PHACTR1: variants seen among roughly 807,000 people sequenced by gnomAD.
PHACTR1 encodes RPEL repeat containing 1.
A neutral mutation model predicts 69.2 loss-of-function variants in PHACTR1; 16 were observed. The observed-to-expected ratio is 0.23, with a 90% CI of 0.16 to 0.35. The LOEUF (loss-of-function observed/expected upper bound fraction) is 0.35, where lower values mean the gene tolerates loss of function less well. Among genes scored for constraint, PHACTR1 ranks in the 10% least tolerant of loss-of-function variants. The probability of loss-of-function intolerance (pLI) is 1.00; values close to 1 mark genes in which losing one functional copy is unlikely to be tolerated. For synonymous variants in PHACTR1, 312 were observed against 284.5 expected, an observed-to-expected ratio of 1.10 and a Z score of -0.97; for missense variants, 510 against 734.7, an observed-to-expected ratio of 0.69 and a Z score of 3.54.
At chr6:12,744,755 C>T (rs1164539766) in intron 3 of PHACTR1, among the ~76,000 whole-genome samples, 2 of 152,192 alleles carry the variant, frequency 1.3e-5, no homozygotes, top group Non-Finnish European at 2.9e-5. Context: ...GATATTGTAT[C>T]CAGTGACATT....
chr6:12,985,724 T>C (rs186431753), intron 4 of PHACTR1, among the ~76,000 whole-genome samples: 33 of 151,692 alleles, frequency 2.2e-4, no homozygotes, highest in African/African-American at 7.5e-4. Flanking sequence ...TTCACAGAAA[T>C]AGAAGTAACA....
In PHACTR1 at chr6:13,287,598, C is replaced by G. The variant is rs1781920543; in HGVS notation, c.*520C>G. 6.5e-6 allele frequency: 1 copy of G among 153,772 alleles called. No individual in the cohort carries two copies. 9.5% of individuals were successfully genotyped at this position (153,772 alleles called of 1,614,324 possible). A position where few individuals can be genotyped will look rare whatever the true frequency, so the allele number is the denominator to read the frequency against. ...TTTGGGGGCCCTTTGAAGTTGATGC[C>G]AAGAAGGAGTGAACACTTCTCAGTT... On this transcript the variant is annotated 3_prime_UTR_variant, in exon 15 of 15. Coordinates refer to ENST00000332995, the MANE Select transcript of PHACTR1 (RefSeq NM_030948.6).
At chr6:12,912,920 C>T (rs9381494) in intron 4 of PHACTR1, among the ~76,000 whole-genome samples, 77,739 of 152,060 alleles carry the variant, frequency 0.51, 23,304 homozygotes, top group East Asian at 0.91. Flanking sequence ...TGCCACTGCA[C>T]TCCAGCCTGG....
chr6:13,199,910 T>C (rs144619377), intron 7 of PHACTR1, among the ~76,000 whole-genome samples: 2 of 152,364 alleles, frequency 1.3e-5, no homozygotes, highest in African/African-American at 4.8e-5. Context: ...TATCCTTTAA[T>C]TGCACATTCT....
chr6:13,129,222 G>A, intron 5 of PHACTR1, among the ~76,000 whole-genome samples: 1 of 152,010 alleles, frequency 6.6e-6, no homozygotes, highest in South Asian at 2.1e-4. Context: ...AAATCTCATA[G>A]GGCCTATAAA....
At chr6:13,041,697 GA>G in intron 4 of PHACTR1, among the ~76,000 whole-genome samples, 1 of 152,150 alleles carries the variant, frequency 6.6e-6, no homozygotes, top group East Asian at 1.9e-4. Context: ...GTTCAAGAGA[GA>G]AAAAATGTCC....
intron 4 of PHACTR1, among the ~76,000 whole-genome samples, chr6:12,807,762 C>G (rs1416485805): frequency 6.6e-6 from 1 of 152,162 alleles, no homozygotes; most frequent in Non-Finnish European, 1.5e-5. Context: ...TTGTTGCTTC[C>G]TCTTCTCCCT....
intron 7 of PHACTR1, among the ~76,000 whole-genome samples, chr6:13,195,743 G>A (rs994456971): frequency 1.6e-5 from 1 of 64,166 alleles, no homozygotes; most frequent in African/African-American, 6.4e-5. Context: ...GGGCGACAGA[G>A]AGAGACACCG....
intron 4 of PHACTR1, among the ~76,000 whole-genome samples, chr6:13,050,564 C>T (rs974978364): frequency 4.6e-5 from 7 of 152,128 alleles, no homozygotes; most frequent in Admixed American, 1.3e-4. Context: ...TCTACATCTT[C>T]GATCTCTCAC....
chr6:13,224,587 CTA>C (rs758014705), intron 8 of PHACTR1, among the ~76,000 whole-genome samples: 1 of 152,094 alleles, frequency 6.6e-6, no homozygotes, highest in Non-Finnish European at 1.5e-5. Flanking sequence ...TAGGTAATAA[CTA>C]TGTTATAAAA....
intron 4 of PHACTR1, among the ~76,000 whole-genome samples, chr6:12,915,965 T>C (rs1295908521): frequency 6.6e-6 from 1 of 152,118 alleles, no homozygotes; most frequent in Admixed American, 6.6e-5. Context: ...ATGCCCTTGA[T>C]TGAAAACCTC....
intron 4 of PHACTR1, among the ~76,000 whole-genome samples, chr6:12,829,856 GCAGAGACAGGAGAAT>G (rs1360621797): frequency 6.6e-6 from 1 of 151,152 alleles, no homozygotes. Flanking sequence ...TGCTGGGGAG[GCAGAGACAGGAGAAT>G]CGCTTGAACC....
At chr6:12,852,185 T>C (rs1270755075) in intron 4 of PHACTR1, among the ~76,000 whole-genome samples, 1 of 152,180 alleles carries the variant, frequency 6.6e-6, no homozygotes, top group East Asian at 1.9e-4. Context: ...ATTGAGGCCC[T>C]AAGAGAAATA....
chr6:12,737,118 C>T (rs548319910), intron 3 of PHACTR1, among the ~76,000 whole-genome samples: 11 of 151,926 alleles, frequency 7.2e-5, no homozygotes, highest in Non-Finnish European at 1.2e-4. Context: ...ATTGTATGAA[C>T]ATCACAGTGT....
chr6:12,940,435 G>T (rs1277341717), intron 4 of PHACTR1, among the ~76,000 whole-genome samples: 1 of 152,260 alleles, frequency 6.6e-6, no homozygotes, highest in African/African-American at 2.4e-5. Flanking sequence ...TCAGCAACAG[G>T]GTAAGAGGCT....
chr6:13,143,862 C>T (rs1229597691), intron 5 of PHACTR1, among the ~76,000 whole-genome samples: 5 of 151,952 alleles, frequency 3.3e-5, no homozygotes, highest in Non-Finnish European at 5.9e-5. Context: ...TAATATGTCA[C>T]AGTTAAAGTT....
At chr6:12,756,203 G>A (rs565052447) in intron 4 of PHACTR1, among the ~76,000 whole-genome samples, 15 of 150,928 alleles carry the variant, frequency 9.9e-5, no homozygotes, top group Admixed American at 2.6e-4. Context: ...AAGACAATTT[G>A]TAGAGCTTTT....
chr6:13,170,421 G>A (rs940208154), intron 6 of PHACTR1, among the ~76,000 whole-genome samples: 9 of 152,194 alleles, frequency 5.9e-5, no homozygotes, highest in African/African-American at 1.7e-4. Context: ...GGCAGGGTAC[G>A]TGGGGCATAG....
intron 4 of PHACTR1, among the ~76,000 whole-genome samples, chr6:12,800,742 G>A (rs1027615941): frequency 2.0e-5 from 3 of 152,002 alleles, no homozygotes. Flanking sequence ...ATAAAATTTA[G>A]CACAGACTGG....
Sources: allele counts gnomAD v4.1 joint callset (sites outside exome capture counted in the v4.1 genomes callset), GRCh38; gene constraint gnomAD v4.1.1; transcripts MANE v1.5; gene names NCBI Gene and HGNC (gene_info 2026-07-23, HGNC 2026-07-21).